The following ERC1 variants were observed in gnomAD, a reference collection of about 807,000 sequenced individuals.
The protein encoded by ERC1 is ELKS/RAB6-interacting/CAST family member 1.
A neutral mutation model predicts 132.0 loss-of-function variants in ERC1; 56 were observed. That is an observed-to-expected ratio of 0.42 (90% CI 0.34 to 0.53). The LOEUF is 0.53. ERC1 is among the 20% of genes least tolerant of loss of function. The pLI is 0.03. For synonymous variants in ERC1, 478 were observed against 476.1 expected, an observed-to-expected ratio of 1.00 and a Z score of -0.05; for missense variants, 1,202 against 1,349.9, an observed-to-expected ratio of 0.89 and a Z score of 1.72.
At chr12:1,207,254 C>A (rs1957428439) in intron 12 of ERC1, among the ~76,000 whole-genome samples, 1 of 152,066 alleles carries the variant, frequency 6.6e-6, no homozygotes, top group Non-Finnish European at 1.5e-5. Context: ...TAAGATATAT[C>A]ACTCACAAAA....
At chr12:1,123,388 C>T (rs1366434817) in intron 7 of ERC1, among the ~76,000 whole-genome samples, 1 of 151,752 alleles carries the variant, frequency 6.6e-6, no homozygotes, top group Non-Finnish European at 1.5e-5. Flanking sequence ...ATGGGAAAGT[C>T]AATAAATACA....
At chr12:1,454,632 G>T (rs897238244) in intron 18 of ERC1, among the ~76,000 whole-genome samples, 2 of 152,122 alleles carry the variant, frequency 1.3e-5, no homozygotes, top group Non-Finnish European at 1.5e-5. Context: ...AAAACACTTT[G>T]TTTTTTCCTG....
At chr12:1,031,671 A>G (rs1968074847) in intron 2 of ERC1, among the ~76,000 whole-genome samples, 1 of 152,210 alleles carries the variant, frequency 6.6e-6, no homozygotes, top group Non-Finnish European at 1.5e-5. Flanking sequence ...GAATGTTTTA[A>G]TATACTTAAA....
chr12:1,142,730 G>A (rs73041040), intron 8 of ERC1, among the ~76,000 whole-genome samples: 3 of 152,042 alleles, frequency 2.0e-5, no homozygotes, highest in African/African-American at 7.2e-5. Flanking sequence ...AAGTAAAGTC[G>A]AACAGACTTT....
chr12:1,204,543 T>C, intron 12 of ERC1: 1 of 1,581,094 alleles, frequency 6.3e-7, no homozygotes, highest in East Asian at 2.2e-5. Context: ...ACAAAGATGA[T>C]GTGATTGAGC....
chr12:1,394,040 A>C (rs1236968435), intron 16 of ERC1, among the ~76,000 whole-genome samples: 5 of 78,636 alleles, frequency 6.4e-5, no homozygotes, highest in East Asian at 2.5e-4. Flanking sequence ...AAAACAAAAA[A>C]AAAACCACAA....
intron 13 of ERC1, among the ~76,000 whole-genome samples, chr12:1,239,967 C>T (rs1003357052): frequency 2.6e-5 from 4 of 152,130 alleles, no homozygotes; most frequent in African/African-American, 9.7e-5. Flanking sequence ...TGATAAAATT[C>T]CTGGACCAGG....
intron 12 of ERC1, among the ~76,000 whole-genome samples, chr12:1,219,211 C>T (rs922196736): frequency 3.9e-5 from 6 of 152,128 alleles, no homozygotes; most frequent in Admixed American, 3.9e-4. Flanking sequence ...TTATCAAAAA[C>T]ACAGCAATAG....
intron 18 of ERC1, among the ~76,000 whole-genome samples, chr12:1,485,231 G>A (rs1203237498): frequency 8.4e-6 from 1 of 119,306 alleles, no homozygotes; most frequent in Non-Finnish European, 1.7e-5. Flanking sequence ...TTGAGACAGA[G>A]TCTCGCTCTG....
intron 8 of ERC1, among the ~76,000 whole-genome samples, chr12:1,154,319 GTA>G (rs201196014): frequency 4.7e-4 from 65 of 139,348 alleles, no homozygotes; most frequent in African/African-American, 9.9e-4. Context: ...ATGTGTGTGT[GTA>G]TATATATATA....
chr12:1,063,690 C>T (rs1435341152), intron 2 of ERC1, among the ~76,000 whole-genome samples: 1 of 151,912 alleles, frequency 6.6e-6, no homozygotes, highest in African/African-American at 2.4e-5. Context: ...GAATTTAAAC[C>T]ATGTACATTC....
intron 15 of ERC1, among the ~76,000 whole-genome samples, chr12:1,295,916 A>T (rs1234677716): frequency 6.6e-6 from 1 of 152,092 alleles, no homozygotes; most frequent in African/African-American, 2.4e-5. Flanking sequence ...ACTTTTAATT[A>T]CCAGACATGC....
chr12:1,249,018 G>A (rs2076320643), intron 13 of ERC1, among the ~76,000 whole-genome samples: 1 of 152,090 alleles, frequency 6.6e-6, no homozygotes, highest in Admixed American at 6.5e-5. Flanking sequence ...GAGTATCTGG[G>A]ACTATAGGGG....
At chr12:1,303,730 G>C (rs1472011578) in intron 15 of ERC1, among the ~76,000 whole-genome samples, 1 of 152,002 alleles carries the variant, frequency 6.6e-6, no homozygotes, top group Non-Finnish European at 1.5e-5. Context: ...CCAAGGCGGG[G>C]CATCACCTGA....
chr12:1,196,859 A>ACT lies in ERC1; in HGVS notation c.2351+6826_2351+6827dup, dbSNP rs1196181216. On this transcript the variant is annotated intron_variant, in intron 12 of 18. Transcript: ENST00000360905. ...CTGTCTCTCTGTCTGTCTCTCTCTC[A>ACT]CTCTCTCTCTCTCTCTCTCTGTCTG... Among the ~76,000 whole-genome samples the ACT allele has an allele frequency of 3.9e-3, 131 of 33,556 alleles. 2 individuals carry two copies. The highest frequency in any genetic ancestry group is 0.031 in the South Asian group (36 of 1,168). The allele number at this position is 33,556 out of a possible 152,430, so 22.0% of individuals were successfully genotyped here.
At chr12:1,431,978 A>C (rs997660432) in intron 17 of ERC1, among the ~76,000 whole-genome samples, 1 of 152,194 alleles carries the variant, frequency 6.6e-6, no homozygotes, top group Non-Finnish European at 1.5e-5. Context: ...TCCCAGGCTC[A>C]AGCAGTCCTC....
intron 18 of ERC1, among the ~76,000 whole-genome samples, chr12:1,464,936 A>G (rs2093715362): frequency 6.6e-6 from 1 of 152,154 alleles, no homozygotes; most frequent in African/African-American, 2.4e-5. Flanking sequence ...AAAATATTTT[A>G]TAAAAAGCTC....
chr12:1,359,032 A>G (rs750174636), intron 15 of ERC1, among the ~76,000 whole-genome samples: 2 of 152,172 alleles, frequency 1.3e-5, no homozygotes, highest in African/African-American at 2.4e-5. Flanking sequence ...AATGTCACTG[A>G]TAGGTCTTTG....
At chr12:1,437,588 A>G (rs2092984620) in intron 17 of ERC1, among the ~76,000 whole-genome samples, 1 of 152,186 alleles carries the variant, frequency 6.6e-6, no homozygotes, top group Admixed American at 6.5e-5. Context: ...TATAATGCAT[A>G]AGGTAAAAGA....
Sources: gnomAD v4.1 joint callset for allele counts (sites outside exome capture counted in the v4.1 genomes callset) on GRCh38, gnomAD v4.1.1 for gene constraint, MANE v1.5 for transcripts, NCBI Gene and HGNC (gene_info 2026-07-23, HGNC 2026-07-21) for gene names.